Variants in GABPB2 observed in about 807,000 individuals in gnomAD.
GABPB2 encodes the protein GA binding protein transcription factor subunit beta 2.
Under a neutral mutation model 39.1 loss-of-function variants are expected in GABPB2, and 23 were observed. The observed-to-expected ratio is 0.59, with a 90% CI of 0.42 to 0.83. GABPB2 has a LOEUF of 0.83. Ranked by LOEUF, GABPB2 falls within the 40% of genes least tolerant of loss-of-function variation. The pLI, the probability that GABPB2 is intolerant of heterozygous loss-of-function variation, is 0.00. For missense variants in GABPB2, 467 were observed against 541.1 expected (o/e 0.86, Z 1.36); for synonymous variants, 184 against 199.3 (o/e 0.92, Z 0.65).
rs973190998 is a variant in GABPB2 at position 151,093,367 on chromosome 1, A to T, written c.452A>T (p.Glu151Val). The change falls in exon 4 of 9, where the codon GAG becomes GTG. Residue 151 changes from glutamate (E) to valine (V), a missense_variant. Glu to Val is a moderately radical substitution (Grantham distance 121). Coordinates refer to ENST00000368918, the MANE Select transcript of GABPB2 (RefSeq NM_144618.3). ...FDIALEKNNA[E>V]ILVILQEAMQ... ...ATAGCTCTGGAGAAAAACAATGCTG[A>T]GATTTTGGTCATCCTCCAGGTGTGG... 6.2e-7 allele frequency: 1 copy of T among 1,600,458 alleles called. No homozygotes were observed.
chr1:151,091,859 A>G (rs748094377), intron 3 of GABPB2, among the ~76,000 whole-genome samples: 5 of 152,124 alleles, frequency 3.3e-5, no homozygotes, highest in Non-Finnish European at 7.3e-5. Flanking sequence ...AGCTCACTGC[A>G]GTTTTCAACA....
chr1:151,107,021 C>A lies in GABPB2; in HGVS notation c.737-16C>A. The A allele has an allele frequency of 6.5e-7, 1 of 1,544,150 alleles. No individual in the cohort carries two copies. The highest frequency in any genetic ancestry group is 8.7e-7 in the Non-Finnish European group (1 of 1,146,494). On this transcript the variant is annotated splice_polypyrimidine_tract_variant and intron_variant, in intron 6 of 8. Coordinates refer to ENST00000368918, the MANE Select transcript of GABPB2 (RefSeq NM_144618.3). ...TTAAAAAGCTGAAATTTTAAATTTG[C>A]TTTTGTCATCTCTAGCCAATACAGA...
intron 6 of GABPB2, among the ~76,000 whole-genome samples, chr1:151,104,835 TC>T (rs1174885329): frequency 4.9e-5 from 6 of 121,572 alleles, no homozygotes; most frequent in African/African-American, 1.7e-4. Context: ...TTCTTTCTCT[TC>T]TCTCTCTTTC....
At chr1:151,101,510 G>A (rs190235600) in intron 5 of GABPB2, among the ~76,000 whole-genome samples, 7 of 152,030 alleles carry the variant, frequency 4.6e-5, no homozygotes, top group Non-Finnish European at 7.4e-5. Flanking sequence ...GGAGGCAGAA[G>A]TTGCAGTGAG....
chr1:151,104,818 T>TCTTTCTTTC (rs1679831665), intron 6 of GABPB2, among the ~76,000 whole-genome samples: 4 of 150,442 alleles, frequency 2.7e-5, no homozygotes, highest in Admixed American at 6.7e-5. Flanking sequence ...TTCTTTCCTT[T>TCTTTCTTTC]CTTTCTTTCT....
chr1:151,085,504 A>G (rs1189650292), intron 1 of GABPB2, among the ~76,000 whole-genome samples: 2 of 152,096 alleles, frequency 1.3e-5, no homozygotes, highest in Non-Finnish European at 2.9e-5. Context: ...GCGGTGGCAC[A>G]ATCTCGGCTC....
intron 5 of GABPB2, 21 bp downstream of exon 5, chr1:151,098,023 A>C (rs1679233393): frequency 1.2e-6 from 2 of 1,610,144 alleles, no homozygotes. Flanking sequence ...GATAACATGA[A>C]ATTTATTTTA....
At chr1:151,082,139 C>T (rs1291918713) in intron 1 of GABPB2, among the ~76,000 whole-genome samples, 2 of 140,496 alleles carry the variant, frequency 1.4e-5, no homozygotes, top group African/African-American at 5.4e-5. Context: ...TGCAGTGGTG[C>T]GATCTCGGCT....
chr1:151,107,166 TC>T lies in GABPB2; in HGVS notation c.869del (p.Pro290LeufsTer11), dbSNP rs1680035139. Reference sequence around the variant, plus strand: ...CCTCTGGGTAATATCCAAACTTCAATCCCTACTGGAGGCATTGGCCAGCCAT... The same window carrying T: ...CCTCTGGGTAATATCCAAACTTCAATCCTACTGGAGGCATTGGCCAGCCAT... Reference protein sequence around the residue: ...GVPLGNIQTSIPTGGIGQPFI... With the variant: ...GVPLGNIQTSXPTGGIGQPFI... On this transcript the variant is annotated frameshift_variant, in exon 7 of 9. Transcript: ENST00000368918. LOFTEE classifies it high-confidence loss of function. 6.2e-7 allele frequency: 1 copy of T among 1,612,822 alleles called. No homozygotes were observed. Among genetic ancestry groups the T allele is most frequent in the South Asian group, 1.1e-5 (1 of 90,772 alleles).
intron 7 of GABPB2, among the ~76,000 whole-genome samples, chr1:151,114,112 T>C (rs917753454): frequency 6.6e-6 from 1 of 151,200 alleles, no homozygotes; most frequent in African/African-American, 2.4e-5. Flanking sequence ...TTGGGAGGAC[T>C]ACGCCGGCAG....
At chr1:151,114,217 G>A (rs1177680697) in intron 7 of GABPB2, among the ~76,000 whole-genome samples, 5 of 151,832 alleles carry the variant, frequency 3.3e-5, no homozygotes, top group African/African-American at 7.3e-5. Flanking sequence ...TTAGCCAGGC[G>A]TGCTTTTGTG....
intron 1 of GABPB2, among the ~76,000 whole-genome samples, chr1:151,074,773 C>T (rs889992476): frequency 6.6e-6 from 1 of 152,070 alleles, no homozygotes; most frequent in Non-Finnish European, 1.5e-5. Context: ...GGGTTTTAGC[C>T]AGCTTCTTTA....
intron 7 of GABPB2, among the ~76,000 whole-genome samples, chr1:151,109,343 A>AATAT (rs761186052): frequency 7.5e-6 from 1 of 133,138 alleles, no homozygotes; most frequent in Admixed American, 7.5e-5. Context: ...TATATACACA[A>AATAT]ATATATATAT....
At chr1:151,102,318 C>T (rs1412946133) in intron 5 of GABPB2, among the ~76,000 whole-genome samples, 1 of 152,038 alleles carries the variant, frequency 6.6e-6, no homozygotes, top group East Asian at 1.9e-4. Context: ...GAGACTCCAT[C>T]TCAAAAAGTA....
At position 151,123,052 on chromosome 1, in the gene GABPB2, T is replaced by C. The variant is rs1681237175; in HGVS notation, c.*4796T>C. On this transcript the variant is annotated 3_prime_UTR_variant, in exon 9 of 9. Transcript: ENST00000368918. The stretch of plus-strand genomic sequence containing the variant: ...TAATGGCAATACCATTTCATGACTT[T>C]GCATATCTTTCTGGATTAGTCATGG... The C allele has an allele frequency of 2.0e-5, 3 of 152,250 alleles. No homozygotes were observed. Among genetic ancestry groups the C allele is most frequent in the Admixed American group, 2.0e-4 (3 of 15,282 alleles). The allele number at this position is 152,250 out of a possible 1,614,324, so 9.4% of individuals were successfully genotyped here. A position where few individuals can be genotyped will look rare whatever the true frequency, so the allele number is the denominator to read the frequency against.
intron 7 of GABPB2, among the ~76,000 whole-genome samples, chr1:151,114,045 G>A (rs1680664068): frequency 6.6e-6 from 1 of 151,822 alleles, no homozygotes; most frequent in Non-Finnish European, 1.5e-5. Flanking sequence ...TCCAGTTTCA[G>A]CTATCTAAAA....
chr1:151,103,929 C>G (rs1006823566), intron 6 of GABPB2, among the ~76,000 whole-genome samples: 2 of 152,146 alleles, frequency 1.3e-5, no homozygotes, highest in African/African-American at 4.8e-5. Flanking sequence ...CTCCCTGACT[C>G]TAGTTACTTC....
Position 151,083,642 on chromosome 1 carries a change from G to GA in GABPB2, c.1-4536dup, listed in dbSNP as rs984022239. ...GGGCAAGACTCCGTCTCTATAGAGAGAAAAAAAAAAAATTATATATATATA... is the reference window on the plus strand; with the variant it reads ...GGGCAAGACTCCGTCTCTATAGAGAGAAAAAAAAAAAAATTATATATATATA... On this transcript the variant is annotated intron_variant, in intron 1 of 8. Coordinates refer to ENST00000368918, the MANE Select transcript of GABPB2 (RefSeq NM_144618.3). Among the ~76,000 whole-genome samples the GA allele has an allele frequency of 4.1e-3, 569 of 140,420 alleles. 2 individuals are homozygous for GA. Among genetic ancestry groups the GA allele is most frequent in the South Asian group, 9.8e-3 (44 of 4,502 alleles). 92.1% of individuals were successfully genotyped at this position (140,420 alleles called of 152,430 possible). A position where few individuals can be genotyped will look rare whatever the true frequency, so the allele number is the denominator to read the frequency against.
At position 151,110,150 on chromosome 1, in the gene GABPB2, C is replaced by T. The variant is rs151279179; in HGVS notation, c.922+2928C>T. ...GTGCTGGGATTACAGGTGTGAGTCA[C>T]GACCCCTGGTCTTTTTTTATTTTTT... is the stretch of plus-strand genomic sequence containing the variant. On this transcript the variant is annotated intron_variant, in intron 7 of 8. Transcript: ENST00000368918. Among the ~76,000 whole-genome samples the T allele has an allele frequency of 5.9e-4, 89 of 150,526 alleles. 1 individual carries two copies. Among genetic ancestry groups the T allele is most frequent in the African/African-American group, 1.5e-3 (60 of 41,176 alleles).
Sources: allele counts gnomAD v4.1 joint callset (sites outside exome capture counted in the v4.1 genomes callset), GRCh38; gene constraint gnomAD v4.1.1; transcripts MANE v1.5; gene names NCBI Gene and HGNC (gene_info 2026-07-23, HGNC 2026-07-21).